FERMT2: variants seen among roughly 807,000 people sequenced by gnomAD.
FERMT2 encodes the protein FERM domain containing kindlin 2.
A neutral mutation model predicts 82.7 loss-of-function variants in FERMT2; 15 were observed. The observed-to-expected ratio is 0.18, with a 90% CI of 0.12 to 0.28. FERMT2 has a LOEUF of 0.28. FERMT2 is among the 10% of genes least tolerant of loss of function. The probability of loss-of-function intolerance (pLI) is 1.00; values close to 1 mark genes in which losing one functional copy is unlikely to be tolerated. For synonymous variants in FERMT2, 274 were observed against 271.5 expected (o/e 1.01, Z -0.09); for missense variants, 645 against 809.4 (o/e 0.80, Z 2.46).
chr14:52,927,509 C>G (rs1424996518), intron 2 of FERMT2, among the ~76,000 whole-genome samples: 2 of 137,248 alleles, frequency 1.5e-5, no homozygotes, highest in Non-Finnish European at 3.1e-5. Flanking sequence ...AATCCCAACA[C>G]TTTGGGAGGT....
intron 4 of FERMT2, among the ~76,000 whole-genome samples, chr14:52,892,140 G>A (rs979534682): frequency 6.7e-6 from 1 of 149,186 alleles, no homozygotes; most frequent in Non-Finnish European, 1.5e-5. Context: ...ACCAGAATAT[G>A]CAAAGCAGAG....
In FERMT2 at chr14:52,873,041, T is replaced by C. The variant is rs191346519; in HGVS notation, c.1149-118A>G. 8.8e-5 allele frequency: 82 copies of C among 927,198 alleles called. 1 individual carries two copies. Among genetic ancestry groups the C allele is most frequent in the Admixed American group, 8.7e-4 (42 of 48,336 alleles). 57.4% of individuals were successfully genotyped at this position (927,198 alleles called of 1,614,324 possible). On this transcript the variant is annotated intron_variant, in intron 9 of 14. Transcript: ENST00000341590. ...GGGTCAAGTTTTACACGTGCTGAAA[T>C]TGATCCCCCTTGGTCAGCGTCTTAT...
chr14:52,876,499 T>C (rs1411653800), intron 7 of FERMT2, among the ~76,000 whole-genome samples: 2 of 152,154 alleles, frequency 1.3e-5, no homozygotes, highest in Admixed American at 6.6e-5. Context: ...TCTGGGTAAT[T>C]CTGATGCAAA....
chr14:52,861,016 A>T (rs1884894210), intron 12 of FERMT2: 2 of 1,525,998 alleles, frequency 1.3e-6, no homozygotes, highest in Non-Finnish European at 1.8e-6. Context: ...GAACTTACCA[A>T]ATCTCTTATA....
At chr14:52,872,647 TA>T in intron 10 of FERMT2, 151 bp downstream of exon 10, 2 of 682,738 alleles carry the variant, frequency 2.9e-6, no homozygotes, top group Non-Finnish European at 4.8e-6. Flanking sequence ...AAGGACTATG[TA>T]AAAGAGACAT....
chr14:52,949,655 A>G (rs937538301), intron 2 of FERMT2, among the ~76,000 whole-genome samples: 6 of 152,216 alleles, frequency 3.9e-5, no homozygotes, highest in Non-Finnish European at 7.3e-5. Context: ...CACACACTTC[A>G]TACTGTAAGA....
chr14:52,882,971 T>G (rs879593718), intron 4 of FERMT2, among the ~76,000 whole-genome samples: 2 of 151,856 alleles, frequency 1.3e-5, no homozygotes, highest in Admixed American at 1.3e-4. Flanking sequence ...GCTGAGGCGG[T>G]TGAATCACTT....
At position 52,859,601 on chromosome 14, in the gene FERMT2, T is replaced by C. The variant is rs1278776908; in HGVS notation, c.1841A>G (p.Gln614Arg). 6.2e-7 allele frequency: 1 copy of C among 1,609,832 alleles called. No homozygotes were observed. The highest frequency in any genetic ancestry group is 8.5e-7 in the Non-Finnish European group (1 of 1,177,752). The part of the protein sequence containing the change: ...IKTWRFSNMK[Q>R]WNVNWEIKMV... ...TTTGATTTCCCAGTTGACATTCCAC[T>C]GTTTCATGTTGCTGAAACGCCATGT... Residue 614 changes from glutamine (Q) to arginine (R), a missense_variant, in exon 14 of 15, where the codon CAG (glutamine) becomes CGG (arginine). Gln to Arg is a conservative substitution (Grantham distance 43, BLOSUM62 1). Coordinates refer to ENST00000341590, the MANE Select transcript of FERMT2 (RefSeq NM_006832.3).
At chr14:52,949,461 A>G (rs546946502) in intron 2 of FERMT2, among the ~76,000 whole-genome samples, 1 of 151,724 alleles carries the variant, frequency 6.6e-6, no homozygotes, top group South Asian at 2.1e-4. Flanking sequence ...AAACAATTCC[A>G]GCCTAAAAAG....
intron 2 of FERMT2, among the ~76,000 whole-genome samples, chr14:52,935,475 G>A (rs916930465): frequency 6.6e-6 from 1 of 152,178 alleles, no homozygotes; most frequent in Non-Finnish European, 1.5e-5. Context: ...TGGAGGTGGA[G>A]TGCTTCTGGT....
chr14:52,882,850 ATTTGAT>A (rs1886370533), intron 4 of FERMT2, among the ~76,000 whole-genome samples: 1 of 152,134 alleles, frequency 6.6e-6, no homozygotes, highest in Non-Finnish European at 1.5e-5. Flanking sequence ...GACACAGGAT[ATTTGAT>A]TTTATGTCCC....
At chr14:52,932,560 A>C (rs1223429691) in intron 2 of FERMT2, among the ~76,000 whole-genome samples, 2 of 152,246 alleles carry the variant, frequency 1.3e-5, no homozygotes, top group African/African-American at 2.4e-5. Flanking sequence ...ACAGACTTTG[A>C]AACAACCAAA....
chr14:52,944,907 T>G (rs2139708188), intron 2 of FERMT2, among the ~76,000 whole-genome samples: 1 of 148,408 alleles, frequency 6.7e-6, no homozygotes, highest in South Asian at 2.1e-4. Flanking sequence ...TTTCTTTTTC[T>G]TTTTTTTTTG....
intron 2 of FERMT2, among the ~76,000 whole-genome samples, chr14:52,926,337 A>G (rs1181528229): frequency 6.6e-6 from 1 of 151,962 alleles, no homozygotes; most frequent in African/African-American, 2.4e-5. Flanking sequence ...TAGACTCTGG[A>G]CTATGTTCTA....
At chr14:52,870,106 GAAGA>G (rs1885523791) in intron 10 of FERMT2, among the ~76,000 whole-genome samples, 1 of 152,152 alleles carries the variant, frequency 6.6e-6, no homozygotes, top group African/African-American at 2.4e-5. Context: ...GCAAAGGTTT[GAAGA>G]AAGAAAATTA....
intron 2 of FERMT2, among the ~76,000 whole-genome samples, chr14:52,942,284 G>A (rs115146437): frequency 0.021 from 3,150 of 149,172 alleles, 77 homozygotes; most frequent in East Asian, 0.074. Flanking sequence ...ACCAAAACCT[G>A]TGAGAAAATG....
chr14:52,881,834 G>A (rs1886318637), intron 4 of FERMT2: 1 of 1,276,410 alleles, frequency 7.8e-7, no homozygotes, highest in African/African-American at 1.5e-5. Flanking sequence ...AGTGCCTATA[G>A]GAAAGGAAAG....
At chr14:52,927,602 A>AAAAAAAAAAAAAAAAAAC (rs1889355058) in intron 2 of FERMT2, among the ~76,000 whole-genome samples, 1 of 146,952 alleles carries the variant, frequency 6.8e-6, no homozygotes, top group Non-Finnish European at 1.5e-5. Context: ...TAAAAAAAAA[A>AAAAAAAAAAAAAAAAAAC]AAAAAAAAAA....
intron 3 of FERMT2, among the ~76,000 whole-genome samples, chr14:52,910,935 G>A (rs1888274965): frequency 6.6e-6 from 1 of 152,026 alleles, no homozygotes; most frequent in Non-Finnish European, 1.5e-5. Context: ...AATTAATTAA[G>A]GGGAAATATT....
Sources: allele counts gnomAD v4.1 joint callset (sites outside exome capture counted in the v4.1 genomes callset), GRCh38; gene constraint gnomAD v4.1.1; transcripts MANE v1.5; gene names NCBI Gene and HGNC (gene_info 2026-07-23, HGNC 2026-07-21).